ARHGEF26: variants seen among roughly 807,000 people sequenced by gnomAD.
The protein encoded by ARHGEF26 is Rho guanine nucleotide exchange factor (GEF) 26.
ARHGEF26 carries 59 observed loss-of-function variants against 89.4 expected under a neutral mutation model. That is an observed-to-expected ratio of 0.66 (90% CI 0.54 to 0.82). The LOEUF (loss-of-function observed/expected upper bound fraction) is 0.82. Among genes scored for constraint, ARHGEF26 ranks in the 40% least tolerant of loss-of-function variants. ARHGEF26 has a pLI of 0.00. For synonymous variants in ARHGEF26, 500 were observed against 428.4 expected, an observed-to-expected ratio of 1.17 and a Z score of -2.06; for missense variants, 1,234 against 1,085.6, an observed-to-expected ratio of 1.14 and a Z score of -1.92.
At chr3:154,186,576 T>TA (rs1226582039) in intron 6 of ARHGEF26, among the ~76,000 whole-genome samples, 1 of 151,770 alleles carries the variant, frequency 6.6e-6, no homozygotes, top group Non-Finnish European at 1.5e-5. Flanking sequence ...GCCTGGCCGA[T>TA]ATGGTGAAAC....
rs114530846 is a variant in ARHGEF26, at chr3:154,173,689, C to T, written c.1488-13996C>T. 3.3e-3 allele frequency among the ~76,000 whole-genome samples: 504 copies of T among 152,230 alleles called. 1 individual carries two copies. Among genetic ancestry groups the T allele is most frequent in the African/African-American group, 0.012 (478 of 41,536 alleles). On this transcript the variant is annotated intron_variant, in intron 6 of 14. Transcript: ENST00000465093. ...GGTACAGATTGATACATGTATAAAA[C>T]TATTTTTGCAATCTATTGCTTGTCT...
intron 6 of ARHGEF26, chr3:154,187,256 T>C (rs1412040236): frequency 2.1e-6 from 2 of 958,998 alleles, no homozygotes; most frequent in Admixed American, 1.2e-4. Context: ...TACAATAAAA[T>C]ATATAAGCAT....
chr3:154,196,174 G>A (rs449292), intron 9 of ARHGEF26, among the ~76,000 whole-genome samples: 104,894 of 152,014 alleles, frequency 0.69, 36,496 homozygotes, highest in East Asian at 0.87. Flanking sequence ...GCAGCCAGCC[G>A]GCAGTGGTAG....
chr3:154,179,255 C>T lies in ARHGEF26; in HGVS notation c.1488-8430C>T, dbSNP rs186216391. On this transcript the variant is annotated intron_variant, in intron 6 of 14. Transcript: ENST00000465093. ...TGCAAGTTCAGAGAGTTTGTGATTG[C>T]TCTGGCACCATTAGCAAACCATGAA... Among the ~76,000 whole-genome samples, 12 of 152,314 alleles carry T rather than the reference C, an allele frequency of 7.9e-5. No homozygotes were observed. In the East Asian group the frequency reaches 1.3e-3, roughly 17 times the overall value.
intron 6 of ARHGEF26, among the ~76,000 whole-genome samples, chr3:154,161,100 TTGTG>T (rs761296397): frequency 0.011 from 193 of 17,600 alleles, no homozygotes; most frequent in South Asian, 0.027. Context: ...GTAGCCAGGT[TTGTG>T]TGTGTGTGTG....
Position 154,129,024 on chromosome 3 carries a change from C to G in ARHGEF26, c.1124-550C>G, listed in dbSNP as rs184791912. Among the ~76,000 whole-genome samples the G allele has an allele frequency of 3.3e-5, 5 of 152,126 alleles. No homozygotes were observed. The East Asian group carries it at 9.7e-4, about 29-fold the overall frequency. On this transcript the variant is annotated intron_variant, in intron 3 of 14. Transcript: ENST00000465093. ...TCACGTGCTAAGCTGTTGCCGGTTC[C>G]TAGTAGGTGTTTTCTAAGTAACAGT...
chr3:154,256,952 T>G lies in ARHGEF26; in HGVS notation c.*1479T>G. On this transcript the variant is annotated 3_prime_UTR_variant, in exon 15 of 15. Transcript: ENST00000465093. The stretch of plus-strand genomic sequence containing the variant: ...TTAAGAGGGGGGAAATGATTTTTAC[T>G]GGCAGCTATATTCCCTCTCTGTTCT... 1 of 1,533,708 alleles carries G rather than the reference T, an allele frequency of 6.5e-7. No homozygotes were observed. The highest frequency in any genetic ancestry group is 8.7e-7 in the Non-Finnish European group (1 of 1,146,110).
chr3:154,133,661 C>A (rs975004819), intron 4 of ARHGEF26, among the ~76,000 whole-genome samples: 1 of 151,852 alleles, frequency 6.6e-6, no homozygotes, highest in African/African-American at 2.4e-5. Flanking sequence ...CGGCTTTATT[C>A]TTTTGCTTAG....
intron 10 of ARHGEF26, among the ~76,000 whole-genome samples, chr3:154,222,818 G>T (rs2108256033): frequency 6.6e-6 from 1 of 152,278 alleles, no homozygotes; most frequent in Non-Finnish European, 1.5e-5. Context: ...TTGCAGAAAG[G>T]GAGCCAGGAG....
chr3:154,227,037 A>T (rs569557222), intron 11 of ARHGEF26, among the ~76,000 whole-genome samples: 2 of 152,274 alleles, frequency 1.3e-5, no homozygotes, highest in South Asian at 4.1e-4. Flanking sequence ...TTCAAACTAA[A>T]TTAAAACAGA....
In ARHGEF26 at chr3:154,144,527, C is replaced by T. The variant is rs116423218; in HGVS notation, c.1270-4862C>T. The stretch of plus-strand genomic sequence containing the variant: ...TGCTGGCTGCAAATGAAGTAATGCA[C>T]GTTTATTTCCTAAATGTACAAAGCA... On this transcript the variant is annotated intron_variant, in intron 4 of 14. Transcript: ENST00000465093. Among the ~76,000 whole-genome samples the T allele has an allele frequency of 3.1e-3, 474 of 152,226 alleles. 1 individual carries two copies. The highest frequency in any genetic ancestry group is 0.01 in the Middle Eastern group (3 of 294).
intron 6 of ARHGEF26, among the ~76,000 whole-genome samples, chr3:154,180,912 T>C (rs1713143708): frequency 6.6e-6 from 1 of 152,152 alleles, no homozygotes; most frequent in Admixed American, 6.5e-5. Context: ...TGTTAGTCTC[T>C]GGTGAAGGAT....
At chr3:154,127,998 C>G (rs950320509) in intron 3 of ARHGEF26, among the ~76,000 whole-genome samples, 1 of 152,168 alleles carries the variant, frequency 6.6e-6, no homozygotes, top group Non-Finnish European at 1.5e-5. Context: ...TCTGTAGCTT[C>G]TCAGCTTTCA....
chr3:154,255,797 T>C lies in ARHGEF26; in HGVS notation c.*324T>C, dbSNP rs1419731318. 1.8e-6 allele frequency: 2 copies of C among 1,096,080 alleles called. No individual in the cohort carries two copies. Among genetic ancestry groups the C allele is most frequent in the South Asian group, 3.8e-5 (1 of 26,572 alleles). The allele number at this position is 1,096,080 out of a possible 1,614,324, so 67.9% of individuals were successfully genotyped here. On this transcript the variant is annotated 3_prime_UTR_variant, in exon 15 of 15. Transcript: ENST00000465093. Reference sequence around the variant, plus strand: ...CTGGCAATAAAAAACACATATTATATCCTGGTTTTCTCTATCCTTGCATTA... The same window carrying C: ...CTGGCAATAAAAAACACATATTATACCCTGGTTTTCTCTATCCTTGCATTA...
At chr3:154,124,763 A>C (rs1718226189) in intron 3 of ARHGEF26, among the ~76,000 whole-genome samples, 2 of 152,170 alleles carry the variant, frequency 1.3e-5, no homozygotes, top group African/African-American at 4.8e-5. Flanking sequence ...TTTTTAGTTA[A>C]AAATTCTGAT....
chr3:154,247,027 T>A (rs559737095), intron 12 of ARHGEF26, among the ~76,000 whole-genome samples: 1 of 152,176 alleles, frequency 6.6e-6, no homozygotes, highest in South Asian at 2.1e-4. Context: ...ATTAACAGGC[T>A]TCCTAGTTTC....
chr3:154,243,196 TAACACTTTGG>T (rs1408933163), intron 12 of ARHGEF26, among the ~76,000 whole-genome samples: 2 of 152,216 alleles, frequency 1.3e-5, no homozygotes. Context: ...AGAATGACTT[TAACACTTTGG>T]AAATCAGTAA....
At chr3:154,223,193 G>T (rs1321378711) in intron 10 of ARHGEF26, among the ~76,000 whole-genome samples, 1 of 152,148 alleles carries the variant, frequency 6.6e-6, no homozygotes, top group Non-Finnish European at 1.5e-5. Context: ...TGGAGTGGTG[G>T]TATGTTAGTT....
At chr3:154,208,598 T>C (rs549110747) in intron 9 of ARHGEF26, among the ~76,000 whole-genome samples, 4 of 152,148 alleles carry the variant, frequency 2.6e-5, no homozygotes, top group Non-Finnish European at 2.9e-5. Context: ...TGAGGCTGTT[T>C]TCTAGCTCCT....
Sources: allele counts gnomAD v4.1 joint callset (sites outside exome capture counted in the v4.1 genomes callset), GRCh38; gene constraint gnomAD v4.1.1; transcripts MANE v1.5; gene names NCBI Gene and HGNC (gene_info 2026-07-23, HGNC 2026-07-21).